DHRSX: variants seen among roughly 807,000 people sequenced by gnomAD.
DHRSX encodes polyprenol dehydrogenase.
Under a neutral mutation model 34.0 loss-of-function variants are expected in DHRSX, and 31 were observed. The ratio of observed to expected loss-of-function variants is 0.91; its 90% confidence interval spans 0.69 to 1.23. The LOEUF (loss-of-function observed/expected upper bound fraction) is 1.23. Ranked by LOEUF, DHRSX falls within the 50% of genes most tolerant of loss-of-function variation. DHRSX has a pLI of 0.00. For synonymous variants in DHRSX, 201 were observed against 183.8 expected, an observed-to-expected ratio of 1.09 and a Z score of -0.76; for missense variants, 414 against 428.1, an observed-to-expected ratio of 0.97 and a Z score of 0.29.
chrX:2,311,771 C>T (rs1024409163), intron 3 of DHRSX, among the ~76,000 whole-genome samples: 1 of 152,168 alleles, frequency 6.6e-6, no homozygotes, highest in Non-Finnish European at 1.5e-5. Context: ...TATCCACCCA[C>T]AGGACTGGGC....
At chrX:2,340,108 A>G (rs1179984210) in intron 3 of DHRSX, among the ~76,000 whole-genome samples, 1 of 151,046 alleles carries the variant, frequency 6.6e-6, no homozygotes, top group Non-Finnish European at 1.5e-5. Flanking sequence ...CAAACACCAC[A>G]TGTTCTCACT....
At chrX:2,288,000 T>C (rs1477696570) in intron 4 of DHRSX, among the ~76,000 whole-genome samples, 1 of 152,136 alleles carries the variant, frequency 6.6e-6, no homozygotes, top group Non-Finnish European at 1.5e-5. Context: ...AAAAGGGCCT[T>C]TGTAGATGTG....
At chrX:2,367,889 T>C (rs2043012564) in intron 3 of DHRSX, among the ~76,000 whole-genome samples, 1 of 152,112 alleles carries the variant, frequency 6.6e-6, no homozygotes, top group Non-Finnish European at 1.5e-5. Flanking sequence ...TTCAAACAAC[T>C]GCTAAACAAT....
At chrX:2,498,625 G>GGAAA (rs1556035826) in intron 1 of DHRSX, among the ~76,000 whole-genome samples, 1 of 128,778 alleles carries the variant, frequency 7.8e-6, no homozygotes, top group African/African-American at 3.0e-5. Context: ...CAGTAAATGG[G>GGAAA]AAAAAAAAAA....
chrX:2,268,985 A>G (rs984175057), intron 4 of DHRSX, among the ~76,000 whole-genome samples: 1 of 152,258 alleles, frequency 6.6e-6, no homozygotes, highest in Admixed American at 6.5e-5. Context: ...GCATATGGAC[A>G]CGTTTGTGTT....
At chrX:2,249,749 C>A (rs1282428653) in intron 5 of DHRSX, among the ~76,000 whole-genome samples, 2 of 151,668 alleles carry the variant, frequency 1.3e-5, no homozygotes, top group African/African-American at 4.8e-5. Context: ...GTCTCGAACT[C>A]CTGACTTCAA....
At chrX:2,453,448 G>A (rs2044252785) in intron 1 of DHRSX, among the ~76,000 whole-genome samples, 1 of 151,940 alleles carries the variant, frequency 6.6e-6, no homozygotes, top group Non-Finnish European at 1.5e-5. Flanking sequence ...GAGGCAGGAG[G>A]ATCGCTTCAG....
intron 1 of DHRSX, among the ~76,000 whole-genome samples, chrX:2,485,614 GGGAA>G (rs1223417478): frequency 3.5e-5 from 4 of 114,208 alleles, no homozygotes; most frequent in South Asian, 3.6e-4. Context: ...GAGGGACAGA[GGGAA>G]GGAAGGAGGG....
At chrX:2,341,490 C>T (rs1215782710) in intron 3 of DHRSX, among the ~76,000 whole-genome samples, 1 of 152,126 alleles carries the variant, frequency 6.6e-6, no homozygotes, top group South Asian at 2.1e-4. Context: ...GCCTTCTCCT[C>T]TGTGTCTGTG....
rs1249066849 is a variant in DHRSX at position 2,246,746 on chromosome X, A to G, written c.597-3516T>C. On this transcript the variant is annotated intron_variant, in intron 5 of 6. Coordinates refer to ENST00000334651, the MANE Select transcript of DHRSX (RefSeq NM_145177.3). The stretch of plus-strand genomic sequence containing the variant: ...AAAGAAAGAAAGAAAGAAAGAAAGA[A>G]AGAAAAAGAAAGAAAATAAAAGAAT... Among the ~76,000 whole-genome samples, 6 of 91,234 alleles carry G rather than the reference A, an allele frequency of 6.6e-5. No homozygotes were observed. The South Asian group carries it at 1.1e-3, about 17-fold the overall frequency. 59.9% of individuals were successfully genotyped at this position (91,234 alleles called of 152,430 possible).
chrX:2,358,056 G>A (rs2042879272), intron 3 of DHRSX, among the ~76,000 whole-genome samples: 1 of 152,084 alleles, frequency 6.6e-6, no homozygotes, highest in Non-Finnish European at 1.5e-5. Flanking sequence ...GGATGGCTAG[G>A]GTTATGCTAC....
At chrX:2,247,347 C>T (rs2016320884) in intron 5 of DHRSX, among the ~76,000 whole-genome samples, 1 of 149,928 alleles carries the variant, frequency 6.7e-6, no homozygotes, top group Non-Finnish European at 1.5e-5. Flanking sequence ...ACAGAGCAGA[C>T]CCTGAAACTA....
chrX:2,414,952 A>C (rs1317980159), intron 2 of DHRSX, among the ~76,000 whole-genome samples: 1 of 151,918 alleles, frequency 6.6e-6, no homozygotes, highest in Non-Finnish European at 1.5e-5. Flanking sequence ...ACCTAACCCA[A>C]CTAGACCTCA....
At chrX:2,377,176 T>C (rs1254908371) in intron 3 of DHRSX, among the ~76,000 whole-genome samples, 1 of 151,994 alleles carries the variant, frequency 6.6e-6, no homozygotes, top group African/African-American at 2.4e-5. Context: ...AGAAAGACAG[T>C]CACTGTGAGT....
intron 3 of DHRSX, among the ~76,000 whole-genome samples, chrX:2,350,046 TA>T (rs919596834): frequency 4.5e-5 from 6 of 134,762 alleles, no homozygotes; most frequent in Admixed American, 1.5e-4. Context: ...AGAAAAAAAA[TA>T]AAAAAAGAAC....
At chrX:2,434,024 C>T (rs976482772) in intron 1 of DHRSX, among the ~76,000 whole-genome samples, 5 of 152,116 alleles carry the variant, frequency 3.3e-5, no homozygotes, top group East Asian at 1.9e-4. Context: ...GTGATCCGCC[C>T]GCCTCGGCCT....
At chrX:2,491,272 G>C (rs1436223745) in intron 1 of DHRSX, among the ~76,000 whole-genome samples, 1 of 152,106 alleles carries the variant, frequency 6.6e-6, no homozygotes, top group Non-Finnish European at 1.5e-5. Context: ...GTTTCACCAT[G>C]TTGGTCAGGC....
At chrX:2,478,238 A>G (rs965541650) in intron 1 of DHRSX, among the ~76,000 whole-genome samples, 1 of 152,136 alleles carries the variant, frequency 6.6e-6, no homozygotes, top group African/African-American at 2.4e-5. Flanking sequence ...TGCAGAGAGG[A>G]GCAGGCTGGC....
intron 5 of DHRSX, among the ~76,000 whole-genome samples, chrX:2,256,758 A>G (rs1033769089): frequency 6.6e-6 from 1 of 151,984 alleles, no homozygotes; most frequent in African/African-American, 2.4e-5. Flanking sequence ...CAATGATTAT[A>G]TCAGGCAAAA....
Sources: allele counts gnomAD v4.1 joint callset (sites outside exome capture counted in the v4.1 genomes callset), GRCh38; gene constraint gnomAD v4.1.1; transcripts MANE v1.5; gene names NCBI Gene and HGNC (gene_info 2026-07-23, HGNC 2026-07-21).